Variants in NUP210L observed in about 807,000 individuals in gnomAD.
The protein encoded by NUP210L is nucleoporin 210 like.
A neutral mutation model predicts 208.5 loss-of-function variants in NUP210L; 74 were observed. The ratio of observed to expected loss-of-function variants is 0.35; its 90% CI spans 0.29 to 0.43. NUP210L has a LOEUF of 0.43. NUP210L is among the 20% of genes least tolerant of loss of function. The pLI is 1.00. For missense variants in NUP210L, 1,843 were observed against 2,289.4 expected (o/e 0.81, Z 3.98); for synonymous variants, 780 against 816.9 (o/e 0.95, Z 0.77).
At chr1:154,103,700 A>C (rs1224028806) in intron 13 of NUP210L, among the ~76,000 whole-genome samples, 3 of 151,256 alleles carry the variant, frequency 2.0e-5, no homozygotes, top group African/African-American at 7.3e-5. Context: ...AAAAAAAAAA[A>C]CAAAAGCGAG....
At position 154,058,225 on chromosome 1, in the gene NUP210L, TAAA is replaced by T. The variant is rs1473232127; in HGVS notation, c.2980-12_2980-10del. 1 of 1,612,582 alleles carries T rather than the reference TAAA, an allele frequency of 6.2e-7. No individual in the cohort carries two copies. Among genetic ancestry groups the T allele is most frequent in the African/African-American group, 1.3e-5 (1 of 74,772 alleles). On this transcript the variant is annotated splice_polypyrimidine_tract_variant and intron_variant, in intron 21 of 39. Transcript: ENST00000368559. The stretch of plus-strand genomic sequence containing the variant: ...GTTTTGTCTATTTCAACCTAGTAGT[TAAA>T]AAGAAAAAGATTTTAGCAAAGGTGT...
At chr1:153,996,385 A>G (rs1649868149) in intron 37 of NUP210L, among the ~76,000 whole-genome samples, 1 of 152,330 alleles carries the variant, frequency 6.6e-6, no homozygotes, top group East Asian at 1.9e-4. Flanking sequence ...TTGTGATAGT[A>G]TGCTGATTCC....
chr1:154,022,773 G>A (rs1370034204), intron 31 of NUP210L, among the ~76,000 whole-genome samples: 1 of 150,456 alleles, frequency 6.6e-6, no homozygotes, highest in Non-Finnish European at 1.5e-5. Flanking sequence ...TGCCTCCTGG[G>A]CTCAAGTGAT....
In NUP210L at chr1:154,045,205, A is replaced by C. The variant is rs375790175; in HGVS notation, c.3696+864T>G. 2.6e-4 allele frequency among the ~76,000 whole-genome samples: 39 copies of C among 152,248 alleles called. 1 individual carries two copies. The South Asian group carries it at 8.1e-3, about 32-fold the overall frequency. On this transcript the variant is annotated intron_variant, in intron 27 of 39. Coordinates refer to ENST00000368559, the Ensembl canonical transcript of NUP210L. ...TGGTACCCATGGTGCCTGACATGGG[A>C]ATCCAGTTCTTCCCCAATTCCAAGT...
At chr1:154,029,611 A>G (rs137966174) in intron 28 of NUP210L, among the ~76,000 whole-genome samples, 1,576 of 152,098 alleles carry the variant, frequency 0.01, 33 homozygotes, top group African/African-American at 0.036. Context: ...AATTACTTGA[A>G]CGCAGGAGAT....
At chr1:154,092,883 C>G (rs1483416093) in intron 15 of NUP210L, among the ~76,000 whole-genome samples, 3 of 152,166 alleles carry the variant, frequency 2.0e-5, no homozygotes, top group Non-Finnish European at 4.4e-5. Context: ...TGCCATGACA[C>G]CCAGCTAATT....
chr1:154,143,056 C>T (rs1658935607), intron 3 of NUP210L, among the ~76,000 whole-genome samples: 1 of 151,842 alleles, frequency 6.6e-6, no homozygotes, highest in Non-Finnish European at 1.5e-5. Flanking sequence ...GGAGTGGTGG[C>T]GCAGGCCTGT....
At chr1:154,096,201 G>T (rs553754656) in intron 14 of NUP210L, among the ~76,000 whole-genome samples, 2 of 152,258 alleles carry the variant, frequency 1.3e-5, no homozygotes, top group South Asian at 4.1e-4. Flanking sequence ...AAACGAAGTA[G>T]AGAGTTGAAG....
At chr1:154,000,919 A>T (rs748896050) in exon 37 of NUP210L, 2 of 1,614,198 alleles carry the variant, frequency 1.2e-6, no homozygotes, top group Non-Finnish European at 1.7e-6. Flanking sequence ...GTGAGTACAC[A>T]GGAAATATTG....
At chr1:153,998,708 CT>C (rs34457474) in intron 37 of NUP210L, among the ~76,000 whole-genome samples, 13,686 of 109,778 alleles carry the variant, frequency 0.12, 880 homozygotes, top group East Asian at 0.44. Flanking sequence ...TCTAGAGATC[CT>C]TTTTTTTTTT....
At chr1:154,120,526 AAATGAT>A (rs923638316) in intron 10 of NUP210L, among the ~76,000 whole-genome samples, 4 of 152,040 alleles carry the variant, frequency 2.6e-5, no homozygotes, top group Non-Finnish European at 5.9e-5. Context: ...TACCTAACGT[AAATGAT>A]AAGTTAATGG....
At chr1:154,152,692 T>C in intron 2 of NUP210L, 44 bp downstream of exon 2, 1 of 1,562,032 alleles carries the variant, frequency 6.4e-7, no homozygotes, top group East Asian at 2.3e-5. Context: ...CAGATTATTC[T>C]ACCCCAGAAG....
In NUP210L at chr1:154,009,619, G is replaced by A. The variant is rs189125355; in HGVS notation, c.4930+353C>T. 3.6e-3 allele frequency among the ~76,000 whole-genome samples: 304 copies of A among 84,926 alleles called. 3 individuals carry two copies. The highest frequency in any genetic ancestry group is 0.015 in the African/African-American group (288 of 19,576). 55.7% of individuals were successfully genotyped at this position (84,926 alleles called of 152,430 possible). A position where few individuals can be genotyped will look rare whatever the true frequency, so the allele number is the denominator to read the frequency against. On this transcript the variant is annotated intron_variant, in intron 35 of 39. Transcript: ENST00000368559. ...CTGGGCAATATAGGAAGATCACGTTGCTCTTAAAAAAAAAAAAAAAAAAAA... is the reference window on the plus strand; with the variant it reads ...CTGGGCAATATAGGAAGATCACGTTACTCTTAAAAAAAAAAAAAAAAAAAA...
At position 154,032,579 on chromosome 1, in the gene NUP210L, C is replaced by T. The variant is rs190676489; in HGVS notation, c.3697-2525G>A. On this transcript the variant is annotated intron_variant, in intron 27 of 39. Coordinates refer to ENST00000368559, the Ensembl canonical transcript of NUP210L. ...GCAGTGGTGTGATCTTGGCTCACTG[C>T]AACCTCTGCCTCCCAGGTTCAAACG... is the stretch of plus-strand genomic sequence containing the variant. 7.5e-3 allele frequency among the ~76,000 whole-genome samples: 1,131 copies of T among 151,012 alleles called. 10 individuals carry two copies. Among genetic ancestry groups the T allele is most frequent in the Non-Finnish European group, 9.5e-3 (641 of 67,800 alleles).
chr1:153,996,175 C>T (rs1188844116), intron 37 of NUP210L, among the ~76,000 whole-genome samples: 1 of 151,940 alleles, frequency 6.6e-6, no homozygotes, highest in African/African-American at 2.4e-5. Flanking sequence ...ACCTGTAGTC[C>T]CAGCTACTTG....
intron 37 of NUP210L, 91 bp downstream of exon 37, chr1:154,000,765 G>A (rs538837669): frequency 3.2e-5 from 36 of 1,125,834 alleles, no homozygotes; most frequent in African/African-American, 2.6e-4. Context: ...AGTGAAATGC[G>A]GAAAGCAAAA....
chr1:154,015,383 C>T (rs189636728), intron 33 of NUP210L, among the ~76,000 whole-genome samples: 28 of 150,654 alleles, frequency 1.9e-4, no homozygotes, highest in Admixed American at 9.9e-4. Flanking sequence ...CCCAGGAGTT[C>T]GAGATCAGCC....
intron 27 of NUP210L, among the ~76,000 whole-genome samples, chr1:154,031,281 G>C (rs1238184131): frequency 6.6e-6 from 1 of 152,066 alleles, no homozygotes; most frequent in East Asian, 1.9e-4. Context: ...GTAGAGACAG[G>C]GTTTCACCAT....
At chr1:154,099,392 C>A (rs972788750) in intron 14 of NUP210L, among the ~76,000 whole-genome samples, 2 of 152,164 alleles carry the variant, frequency 1.3e-5, no homozygotes, top group African/African-American at 4.8e-5. Flanking sequence ...ACGGAGTGTG[C>A]AGCCCCAGCT....
Sources: allele counts gnomAD v4.1 joint callset (sites outside exome capture counted in the v4.1 genomes callset), GRCh38; gene constraint gnomAD v4.1.1; transcripts MANE v1.5; gene names NCBI Gene and HGNC (gene_info 2026-07-23, HGNC 2026-07-21).